CRTAC1: variants seen among roughly 807,000 people sequenced by gnomAD.
CRTAC1 encodes cartilage acidic protein 1.
In CRTAC1, 37 loss-of-function variants were observed where a neutral mutation model predicts 67.8. That is an observed-to-expected ratio of 0.55 (90% CI 0.42 to 0.72). CRTAC1 has a LOEUF of 0.72. CRTAC1 is among the 30% of genes least tolerant of loss of function. The pLI is 0.00. For synonymous variants in CRTAC1, 348 were observed against 371.0 expected, an observed-to-expected ratio of 0.94 and a Z score of 0.71; for missense variants, 780 against 931.6, an observed-to-expected ratio of 0.84 and a Z score of 2.12.
rs187758594 is a variant in CRTAC1 at position 97,937,525 on chromosome 10, G to C, written c.225-1159C>G. ...CTGCCTCATGAAGGCAGAACTTCTT[G>C]TCTGTTTTGTTCCCCAGTGCCTAGA... On this transcript the variant is annotated intron_variant, in intron 2 of 14. Transcript: ENST00000370597. 2.6e-5 allele frequency among the ~76,000 whole-genome samples: 4 copies of C among 152,290 alleles called. No homozygotes were observed. The East Asian group carries it at 7.7e-4, about 29-fold the overall frequency.
intron 2 of CRTAC1, among the ~76,000 whole-genome samples, chr10:97,990,745 A>G (rs1235484765): frequency 2.0e-5 from 3 of 152,234 alleles, no homozygotes; most frequent in Admixed American, 2.0e-4. Flanking sequence ...GGTGCCTTGC[A>G]CATGGTAGCT....
At chr10:97,877,606 T>C (rs112469179) in intron 14 of CRTAC1, among the ~76,000 whole-genome samples, 22 of 152,348 alleles carry the variant, frequency 1.4e-4, no homozygotes, top group African/African-American at 5.3e-4. Context: ...ACCAAATATT[T>C]GGCACATTGT....
chr10:97,907,563 T>C (rs1003239699), intron 6 of CRTAC1, among the ~76,000 whole-genome samples: 7 of 152,078 alleles, frequency 4.6e-5, no homozygotes, highest in Non-Finnish European at 8.8e-5. Flanking sequence ...TGTAGGGTGG[T>C]CTTAGCCTGA....
intron 2 of CRTAC1, among the ~76,000 whole-genome samples, chr10:97,996,043 A>C (rs1278793976): frequency 6.6e-6 from 1 of 152,136 alleles, no homozygotes; most frequent in Non-Finnish European, 1.5e-5. Context: ...TAGAAAGCTG[A>C]AACTGGATCC....
intron 2 of CRTAC1, among the ~76,000 whole-genome samples, chr10:97,997,002 G>T (rs1273810386): frequency 6.9e-6 from 1 of 145,732 alleles, no homozygotes; most frequent in Non-Finnish European, 1.5e-5. Flanking sequence ...ACCAAACACC[G>T]CATGTTCTCA....
intron 2 of CRTAC1, among the ~76,000 whole-genome samples, chr10:98,010,702 T>C (rs530935755): frequency 1.3e-5 from 2 of 152,336 alleles, no homozygotes; most frequent in South Asian, 4.1e-4. Context: ...CTTAGTCTTA[T>C]GTAAAGTGCT....
In CRTAC1 at chr10:97,891,695, A is replaced by AC. The variant is rs112871815; in HGVS notation, c.1486+3549dup. Among the ~76,000 whole-genome samples, 94 of 151,546 alleles carry AC rather than the reference A, an allele frequency of 6.2e-4. 2 individuals are homozygous for AC. Among genetic ancestry groups the AC allele is most frequent in the African/African-American group, 2.3e-3 (94 of 41,290 alleles). On this transcript the variant is annotated intron_variant, in intron 11 of 14. Coordinates refer to ENST00000370597, the MANE Select transcript of CRTAC1 (RefSeq NM_018058.7). Reference sequence around the variant, plus strand: ...TCTTTCTGTCGCCCCCTGTTCTCGCACCCCCATGTCCTTCCCTCCATCTGG... The same window carrying AC: ...TCTTTCTGTCGCCCCCTGTTCTCGCACCCCCCATGTCCTTCCCTCCATCTGG...
Position 98,030,380 on chromosome 10 carries a change from CG to C in CRTAC1, c.24+68del, listed in dbSNP as rs940753412. 2.3e-5 allele frequency: 23 copies of C among 1,018,452 alleles called. No homozygotes were observed. Among genetic ancestry groups the C allele is most frequent in the African/African-American group, 6.6e-5 (4 of 60,220 alleles). The allele number at this position is 1,018,452 out of a possible 1,614,324, so 63.1% of individuals were successfully genotyped here. The stretch of plus-strand genomic sequence containing the variant: ...TCCCCGCCACCCTTGCGGGCGGATC[CG>C]GGGGGGCGCGCAGAGCTGGAGAAAC... On this transcript the variant is annotated intron_variant, in intron 1 of 14. Coordinates refer to ENST00000370597, the MANE Select transcript of CRTAC1 (RefSeq NM_018058.7). This position sits in a 1 kb window ranked among gnomAD's most constrained non-coding sequence, Gnocchi z 4.2.
At chr10:97,866,386 G>A (rs531796350) in intron 14 of CRTAC1, 9 of 152,380 alleles carry the variant, frequency 5.9e-5, no homozygotes, top group African/African-American at 1.9e-4. Context: ...GTGCTGGTTG[G>A]GGGGCACAGA....
At position 97,923,304 on chromosome 10, in the gene CRTAC1, C is replaced by G. The variant is rs2050867138; in HGVS notation, c.518G>C (p.Ser173Thr). The G allele has an allele frequency of 2.5e-6, 4 of 1,614,052 alleles. No individual in the cohort carries two copies. Among genetic ancestry groups the G allele is most frequent in the South Asian group, 1.1e-5 (1 of 91,082 alleles). Reference protein sequence around the residue: ...DEVNVARGVASLFAGRSVACV... With the variant: ...DEVNVARGVATLFAGRSVACV... Reference sequence around the variant, plus strand: ...GGCCACAGAGCGTCCGGCAAAGAGGCTGGCCACACCACGGGCCACGTTGAC... The same window carrying G: ...GGCCACAGAGCGTCCGGCAAAGAGGGTGGCCACACCACGGGCCACGTTGAC... Residue 173 changes from serine to threonine, a missense_variant, in exon 4 of 15, where the codon AGC becomes ACC. Physicochemically the swap from Ser to Thr is moderately conservative, Grantham distance 58. Transcript: ENST00000370597.
At chr10:97,973,973 CAAAAA>C (rs552987541) in intron 2 of CRTAC1, among the ~76,000 whole-genome samples, 2 of 68,904 alleles carry the variant, frequency 2.9e-5, no homozygotes, top group Non-Finnish European at 3.4e-5. Context: ...GATCCCATAC[CAAAAA>C]AAAAAAAAAA....
chr10:97,971,902 G>T (rs2051718812), intron 2 of CRTAC1, among the ~76,000 whole-genome samples: 1 of 152,172 alleles, frequency 6.6e-6, no homozygotes, highest in African/African-American at 2.4e-5. Context: ...TAGTAACTCT[G>T]CCCTAAGAGG....
At chr10:97,934,960 C>T (rs143704479) in intron 3 of CRTAC1, among the ~76,000 whole-genome samples, 1 of 48,526 alleles carries the variant, frequency 2.1e-5, no homozygotes. Context: ...GTGGAGGGGG[C>T]GTGGGTGGGG....
chr10:97,907,193 C>G (rs1444859979), intron 6 of CRTAC1, among the ~76,000 whole-genome samples: 1 of 152,204 alleles, frequency 6.6e-6, no homozygotes, highest in East Asian at 1.9e-4. Flanking sequence ...AGCTCATAGA[C>G]AAACCATGAT....
intron 1 of CRTAC1, among the ~76,000 whole-genome samples, chr10:98,016,499 G>A (rs1489548851): frequency 6.6e-6 from 1 of 152,192 alleles, no homozygotes; most frequent in African/African-American, 2.4e-5. Flanking sequence ...GATTTGGTAG[G>A]TGTGGGGTGG....
intron 3 of CRTAC1, among the ~76,000 whole-genome samples, chr10:97,931,587 A>T (rs956018463): frequency 3.3e-5 from 5 of 152,242 alleles, no homozygotes; most frequent in African/African-American, 1.2e-4. Flanking sequence ...TGGAACCATG[A>T]GTTGGGCATG....
At chr10:97,976,111 C>G (rs969906975) in intron 2 of CRTAC1, among the ~76,000 whole-genome samples, 2 of 152,122 alleles carry the variant, frequency 1.3e-5, no homozygotes, top group African/African-American at 2.4e-5. Flanking sequence ...GGCAGGCCGC[C>G]GCAGCGTACT....
At chr10:97,934,723 A>T (rs1203394469) in intron 3 of CRTAC1, among the ~76,000 whole-genome samples, 1 of 152,068 alleles carries the variant, frequency 6.6e-6, no homozygotes, top group African/African-American at 2.4e-5. Context: ...ATGACTGCTC[A>T]AGTCTGAACC....
chr10:97,870,527 G>A (rs905903134), intron 14 of CRTAC1: 3 of 152,112 alleles, frequency 2.0e-5, no homozygotes, highest in African/African-American at 7.2e-5. Flanking sequence ...CCAGTTACAC[G>A]GGGTGCTCAC....
Sources: allele counts gnomAD v4.1 joint callset (sites outside exome capture counted in the v4.1 genomes callset), GRCh38; gene constraint gnomAD v4.1.1; non-coding constraint Gnocchi (gnomAD v3.1); transcripts MANE v1.5; gene names NCBI Gene and HGNC (gene_info 2026-07-23, HGNC 2026-07-21).